The following ABCB5 variants were observed in gnomAD, a reference collection of about 807,000 sequenced individuals.
ABCB5 encodes ATP-binding cassette sub-family B member 5.
Under a neutral mutation model 144.2 loss-of-function variants are expected in ABCB5, and 155 were observed. The ratio of observed to expected loss-of-function variants is 1.08; its 90% CI spans 0.94 to 1.23. The LOEUF (loss-of-function observed/expected upper bound fraction) is 1.23, where lower values mean the gene tolerates loss of function less well. ABCB5 is among the 50% of genes most tolerant of loss of function. The pLI is 0.00. For synonymous variants in ABCB5, 610 were observed against 528.6 expected, an observed-to-expected ratio of 1.15 and a Z score of -2.11; for missense variants, 1,830 against 1,520.8, an observed-to-expected ratio of 1.20 and a Z score of -3.38.
chr7:20,659,061 TTTAG>T, intron 14 of ABCB5: 1 of 1,613,920 alleles, frequency 6.2e-7, no homozygotes, highest in Non-Finnish European at 8.5e-7. Context: ...ACTTTTCTTC[TTTAG>T]GATACCCCCA....
At chr7:20,622,849 G>T (rs901399442) in intron 1 of ABCB5, among the ~76,000 whole-genome samples, 2 of 152,048 alleles carry the variant, frequency 1.3e-5, no homozygotes, top group Admixed American at 1.3e-4. Context: ...CCCTCAAACT[G>T]CTGGCTAATA....
chr7:20,663,150 A>C (rs1333914256), intron 14 of ABCB5, among the ~76,000 whole-genome samples: 1 of 152,220 alleles, frequency 6.6e-6, no homozygotes, highest in Non-Finnish European at 1.5e-5. Context: ...TATTGCTTCA[A>C]GATTACACTG....
intron 5 of ABCB5, among the ~76,000 whole-genome samples, chr7:20,639,704 C>T (rs1784250586): frequency 6.6e-6 from 1 of 152,184 alleles, no homozygotes; most frequent in Non-Finnish European, 1.5e-5. Context: ...CAGTTATTGA[C>T]ATGTCTGTCT....
Sources: allele counts gnomAD v4.1 joint callset (sites outside exome capture counted in the v4.1 genomes callset), GRCh38; gene constraint gnomAD v4.1.1; transcripts MANE v1.5; gene names NCBI Gene and HGNC (gene_info 2026-07-23, HGNC 2026-07-21).